The following PACRGL variants were observed in gnomAD, a reference collection of about 807,000 sequenced individuals.
PACRGL encodes PACRG-like protein.
Under a neutral mutation model 34.5 loss-of-function variants are expected in PACRGL, and 38 were observed. The ratio of observed to expected loss-of-function variants is 1.10; its 90% CI spans 0.85 to 1.44. PACRGL has a LOEUF of 1.44. Ranked by LOEUF, PACRGL falls within the 40% of genes most tolerant of loss-of-function variation. The pLI, the probability that PACRGL is intolerant of heterozygous loss-of-function variation, is 0.00. For synonymous variants in PACRGL, 128 were observed against 100.1 expected, an observed-to-expected ratio of 1.28 and a Z score of -1.66; for missense variants, 305 against 281.4, an observed-to-expected ratio of 1.08 and a Z score of -0.60.
chr4:20,749,684 T>TCAA, intron 8 of PACRGL: 1 of 1,608,956 alleles, frequency 6.2e-7, no homozygotes, highest in Non-Finnish European at 8.5e-7. Context: ...AGCTCCATTG[T>TCAA]GGTCTGTATC....
intron 5 of PACRGL, among the ~76,000 whole-genome samples, chr4:20,712,452 A>C (rs1422979846): frequency 6.6e-6 from 1 of 152,060 alleles, no homozygotes; most frequent in Non-Finnish European, 1.5e-5. Flanking sequence ...AAGCATTTCC[A>C]TTGTAATAGG....
chr4:20,717,212 C>T (rs543813748), intron 7 of PACRGL, among the ~76,000 whole-genome samples: 1 of 151,986 alleles, frequency 6.6e-6, no homozygotes, highest in East Asian at 1.9e-4. Flanking sequence ...TGTTTGAGTT[C>T]TTTGTGGATT....
rs908012135 is a variant in PACRGL at position 20,704,657 on chromosome 4, C to T, written c.53-3C>T. The T allele has an allele frequency of 7.4e-6, 12 of 1,613,104 alleles. No homozygotes were observed. Among genetic ancestry groups the T allele is most frequent in the Middle Eastern group, 3.3e-4 (2 of 6,078 alleles). On this transcript the variant is annotated splice_polypyrimidine_tract_variant and splice_region_variant and intron_variant, in intron 2 of 8. Coordinates refer to ENST00000503585, the MANE Select transcript of PACRGL (RefSeq NM_001258345.3). ...TTTCTATTGATGTTCTGTTTTTTTC[C>T]AGGTAACTATGATCAAAGGACATCA...
downstream of PACRGL, among the ~76,000 whole-genome samples, chr4:20,736,974 T>C (rs1749764961): frequency 6.6e-6 from 1 of 152,178 alleles, no homozygotes; most frequent in Admixed American, 6.5e-5. Flanking sequence ...AACAGTAGAA[T>C]AGAATTGAGT....
chr4:20,722,124 C>T (rs2149178661), intron 7 of PACRGL, among the ~76,000 whole-genome samples: 2 of 152,354 alleles, frequency 1.3e-5, no homozygotes, highest in Non-Finnish European at 2.9e-5. Flanking sequence ...CTCTCTGAGC[C>T]AGGCACAGGA....
downstream of PACRGL, chr4:20,732,828 G>A: frequency 8.6e-7 from 1 of 1,164,254 alleles, no homozygotes; most frequent in Non-Finnish European, 1.3e-6. Context: ...ACACATGTAT[G>A]AAGAAACCAG....
At chr4:20,723,067 C>G (rs1353411527) in intron 7 of PACRGL, among the ~76,000 whole-genome samples, 1 of 152,150 alleles carries the variant, frequency 6.6e-6, no homozygotes, top group Non-Finnish European at 1.5e-5. Context: ...GATGGTGACT[C>G]TATCAGGATA....
chr4:20,735,481 C>T (rs1170962394), downstream of PACRGL, among the ~76,000 whole-genome samples: 3 of 150,696 alleles, frequency 2.0e-5, no homozygotes, highest in Non-Finnish European at 2.9e-5. Context: ...GATTGCATTG[C>T]AGACTGGCCA....
At chr4:20,702,189 C>T (rs1180623851) in intron 1 of PACRGL, 1 of 456,594 alleles carries the variant, frequency 2.2e-6, no homozygotes. Flanking sequence ...GAAATTTAGC[C>T]ATAAAATTCC....
At chr4:20,701,967 CGT>C (rs1470945407) in intron 1 of PACRGL, 6 of 454,068 alleles carry the variant, frequency 1.3e-5, no homozygotes, top group Non-Finnish European at 1.8e-5. Flanking sequence ...GGGATGTAGA[CGT>C]GTTTGCATTA....
chr4:20,721,807 A>T (rs1743367436), intron 7 of PACRGL, among the ~76,000 whole-genome samples: 1 of 152,200 alleles, frequency 6.6e-6, no homozygotes, highest in African/African-American at 2.4e-5. Flanking sequence ...GTCCGTTCTC[A>T]GATCTCAAAC....
chr4:20,716,340 TTTTG>T (rs543375216), intron 7 of PACRGL: 46 of 586,012 alleles, frequency 7.8e-5, no homozygotes, highest in South Asian at 1.1e-4. Flanking sequence ...AGTGTTTTTT[TTTTG>T]TTTGTTTGTT....
chr4:20,731,673 G>A lies in PACRGL; in HGVS notation c.*4332G>A, dbSNP rs1748260368. 2.0e-6 allele frequency: 2 copies of A among 985,206 alleles called. No individual in the cohort carries two copies. Among genetic ancestry groups the A allele is most frequent in the Non-Finnish European group, 2.4e-6 (2 of 829,806 alleles). 61.0% of individuals were successfully genotyped at this position (985,206 alleles called of 1,614,324 possible). A position where few individuals can be genotyped will look rare whatever the true frequency, so the allele number is the denominator to read the frequency against. ...TGGAGATATGATAGATAATATATGA[G>A]TGATGCTAAGTTTTGGCAAAGAGCA... On this transcript the variant is annotated 3_prime_UTR_variant, in exon 9 of 9. Transcript: ENST00000503585.
At chr4:20,753,878 G>A (rs1328237542), downstream of PACRGL, among the ~76,000 whole-genome samples, 2 of 150,948 alleles carry the variant, frequency 1.3e-5, no homozygotes, top group Non-Finnish European at 2.9e-5. Context: ...AATGTTTATT[G>A]ACAGATTATT....
chr4:20,705,155 A>G (rs896557209), intron 3 of PACRGL, among the ~76,000 whole-genome samples: 1 of 141,794 alleles, frequency 7.1e-6, no homozygotes, highest in Non-Finnish European at 1.5e-5. Flanking sequence ...TCGTGCTTCT[A>G]TAGTTGCATA....
chr4:20,706,384 A>G (rs538446210), intron 3 of PACRGL, among the ~76,000 whole-genome samples: 16 of 152,296 alleles, frequency 1.1e-4, no homozygotes, highest in South Asian at 6.2e-4. Flanking sequence ...TGTTGATAGT[A>G]TAGTACTAAT....
upstream of PACRGL, chr4:20,696,654 T>C (rs1731255841): frequency 6.6e-6 from 1 of 152,264 alleles, no homozygotes. Flanking sequence ...TAATAGTTTG[T>C]TGTACAAACA....
chr4:20,726,741 AC>A (rs1163658640), intron 8 of PACRGL, among the ~76,000 whole-genome samples: 21 of 152,028 alleles, frequency 1.4e-4, no homozygotes, highest in African/African-American at 4.8e-4. Context: ...TCACAGTGTT[AC>A]TTTCTTAGAA....
In PACRGL at chr4:20,729,531, T is replaced by TA. The variant is rs1560392872; in HGVS notation, c.*2192dup. ...AAAAATGCCAGATAAAACTAATTTCTAACAGAAGGTGGGAAGGCCATAGAA... is the reference window on the plus strand; with the variant it reads ...AAAAATGCCAGATAAAACTAATTTCTAAACAGAAGGTGGGAAGGCCATAGAA... On this transcript the variant is annotated 3_prime_UTR_variant, in exon 9 of 9. Transcript: ENST00000503585. 11 of 145,072 alleles carry TA rather than the reference T, an allele frequency of 7.6e-5. No homozygotes were observed. The highest frequency in any genetic ancestry group is 9.3e-5 in the Non-Finnish European group (6 of 64,504). 9.0% of individuals were successfully genotyped at this position (145,072 alleles called of 1,614,324 possible).
Sources: gnomAD v4.1 joint callset for allele counts (sites outside exome capture counted in the v4.1 genomes callset) on GRCh38, gnomAD v4.1.1 for gene constraint, MANE v1.5 for transcripts, NCBI Gene and HGNC (gene_info 2026-07-23, HGNC 2026-07-21) for gene names.